MGAT4A: variants seen among roughly 807,000 people sequenced by gnomAD.
MGAT4A encodes alpha-1,3-mannosyl-glycoprotein 4-beta-N-acetylglucosaminyltransferase A, also known as N-acetylglucosaminyltransferase IVa.
In MGAT4A, 33 loss-of-function variants were observed where a neutral mutation model predicts 74.1. The ratio of observed to expected loss-of-function variants is 0.45; its 90% CI spans 0.34 to 0.60. The LOEUF (loss-of-function observed/expected upper bound fraction) is 0.60. MGAT4A is among the 20% of genes least tolerant of loss of function. The pLI, the probability that MGAT4A is intolerant of heterozygous loss-of-function variation, is 0.02. For missense variants in MGAT4A, 479 were observed against 628.3 expected (o/e 0.76, Z 2.54); for synonymous variants, 198 against 210.4 (o/e 0.94, Z 0.51).
chr2:98,644,476 G>A (rs17513782), intron 9 of MGAT4A, among the ~76,000 whole-genome samples: 22,046 of 152,032 alleles, frequency 0.15, 1,679 homozygotes, highest in Middle Eastern at 0.19. Flanking sequence ...AAGTAAAGAT[G>A]GTTTTTGACT....
chr2:98,650,147 C>T (rs938785553), intron 8 of MGAT4A, among the ~76,000 whole-genome samples: 2 of 152,116 alleles, frequency 1.3e-5, no homozygotes, highest in East Asian at 3.9e-4. Context: ...GAAAATTTCA[C>T]TAGAAGGACT....
intron 4 of MGAT4A, 74 bp downstream of exon 4, chr2:98,674,961 G>C: frequency 6.7e-7 from 1 of 1,490,860 alleles, no homozygotes; most frequent in Non-Finnish European, 9.1e-7. Context: ...CCAGACTTCT[G>C]ATGGTCAACA....
intron 14 of MGAT4A, among the ~76,000 whole-genome samples, chr2:98,633,498 G>T (rs766317933): frequency 1.4e-4 from 22 of 152,184 alleles, no homozygotes; most frequent in Non-Finnish European, 2.4e-4. Flanking sequence ...ATTTTCACCA[G>T]TTATAATTGT....
chr2:98,672,782 G>A (rs1701928684), intron 4 of MGAT4A, among the ~76,000 whole-genome samples: 1 of 152,012 alleles, frequency 6.6e-6, no homozygotes. Flanking sequence ...TCAGTCCCTC[G>A]ATGTAGGATT....
At chr2:98,700,929 A>G in intron 2 of MGAT4A, among the ~76,000 whole-genome samples, 1 of 152,110 alleles carries the variant, frequency 6.6e-6, no homozygotes, top group East Asian at 1.9e-4. Flanking sequence ...ATGTTAGCAT[A>G]AATAATGCAT....
chr2:98,678,247 A>ATATATATATATAT (rs1259884597), intron 3 of MGAT4A, 57 bp downstream of exon 3: 26 of 345,256 alleles, frequency 7.5e-5, no homozygotes, highest in East Asian at 6.5e-4. Context: ...AAAAAAAAAA[A>ATATATATATATAT]AAATATATAT....
intron 8 of MGAT4A, among the ~76,000 whole-genome samples, chr2:98,653,826 G>A (rs1285143639): frequency 6.6e-6 from 1 of 152,088 alleles, no homozygotes; most frequent in Non-Finnish European, 1.5e-5. Context: ...CACATTCTAG[G>A]AGGCCTGCAT....
chr2:98,625,934 A>C, intron 14 of MGAT4A, 99 bp from the exon 15 acceptor site: 1 of 722,736 alleles, frequency 1.4e-6, no homozygotes, highest in Middle Eastern at 2.5e-4. Flanking sequence ...AAATATTTCT[A>C]GTAGATGTCT....
At chr2:98,710,453 G>A (rs1194696685) in intron 2 of MGAT4A, among the ~76,000 whole-genome samples, 1 of 152,090 alleles carries the variant, frequency 6.6e-6, no homozygotes, top group African/African-American at 2.4e-5. Flanking sequence ...TTTTGTGTCA[G>A]TTTGGGTTGT....
At position 98,622,244 on chromosome 2, in the gene MGAT4A, T is replaced by C; in HGVS notation, c.*3322A>G. ...TTTCTAAGCTGTTCATAATTAGCACTCTGGACACAGTACTGTTCAACAGAG... is the reference window on the plus strand; with the variant it reads ...TTTCTAAGCTGTTCATAATTAGCACCCTGGACACAGTACTGTTCAACAGAG... On this transcript the variant is annotated 3_prime_UTR_variant, in exon 16 of 16. Coordinates refer to ENST00000393487, the MANE Select transcript of MGAT4A (RefSeq NM_012214.3). 1.0e-6 allele frequency: 1 copy of C among 985,448 alleles called. No individual in the cohort carries two copies. The allele number at this position is 985,448 out of a possible 1,614,324, so 61.0% of individuals were successfully genotyped here. A position where few individuals can be genotyped will look rare whatever the true frequency, so the allele number is the denominator to read the frequency against.
chr2:98,670,199 T>C (rs979096817), intron 4 of MGAT4A, among the ~76,000 whole-genome samples: 28 of 152,278 alleles, frequency 1.8e-4, no homozygotes, highest in Non-Finnish European at 4.0e-4. Flanking sequence ...AGGAGTAAGA[T>C]GGACCAAGGA....
chr2:98,719,576 GA>G (rs1336961911), intron 2 of MGAT4A, among the ~76,000 whole-genome samples: 2 of 151,738 alleles, frequency 1.3e-5, no homozygotes, highest in African/African-American at 2.4e-5. Flanking sequence ...ACCAAACGGG[GA>G]AAAAAAACCA....
At chr2:98,706,554 T>A (rs1482380578) in intron 2 of MGAT4A, among the ~76,000 whole-genome samples, 1 of 151,262 alleles carries the variant, frequency 6.6e-6, no homozygotes, top group African/African-American at 2.4e-5. Flanking sequence ...GGTCTCGATC[T>A]CCTGACCTCA....
intron 1 of MGAT4A, among the ~76,000 whole-genome samples, chr2:98,730,616 C>T (rs1702838172): frequency 6.6e-6 from 1 of 151,644 alleles, no homozygotes; most frequent in African/African-American, 2.4e-5. Context: ...GCAGCTGTCC[C>T]TCCCCCTCCG....
At position 98,620,678 on chromosome 2, in the gene MGAT4A, C is replaced by A. The variant is rs1333903016; in HGVS notation, c.*4888G>T. ...TTTGGTTAAAAAAAATTAAATCCCT[C>A]GATACACAGATTATCTGATCTCTAC... On this transcript the variant is annotated 3_prime_UTR_variant, in exon 16 of 16. Coordinates refer to ENST00000393487, the MANE Select transcript of MGAT4A (RefSeq NM_012214.3). The A allele has an allele frequency of 6.6e-6, 1 of 152,158 alleles. No homozygotes were observed. Among genetic ancestry groups the A allele is most frequent in the South Asian group, 2.1e-4 (1 of 4,824 alleles). 9.4% of individuals were successfully genotyped at this position (152,158 alleles called of 1,614,324 possible).
intron 4 of MGAT4A, among the ~76,000 whole-genome samples, chr2:98,668,298 G>A (rs895416643): frequency 6.6e-6 from 1 of 152,170 alleles, no homozygotes; most frequent in Non-Finnish European, 1.5e-5. Context: ...GTGCAGTCTA[G>A]GGACTTGGTG....
chr2:98,703,580 A>G (rs72956619), intron 2 of MGAT4A, among the ~76,000 whole-genome samples: 3,573 of 152,332 alleles, frequency 0.023, 137 homozygotes, highest in African/African-American at 0.082. Context: ...AAAAATGTCA[A>G]TCAGACTGTG....
intron 4 of MGAT4A, among the ~76,000 whole-genome samples, chr2:98,669,146 T>C (rs112480758): frequency 2.0e-5 from 3 of 152,114 alleles, no homozygotes; most frequent in Admixed American, 6.5e-5. Context: ...GGACATGAGA[T>C]TTGGGAGGGG....
chr2:98,643,607 A>C (rs1463513900), intron 10 of MGAT4A, among the ~76,000 whole-genome samples: 3 of 152,194 alleles, frequency 2.0e-5, no homozygotes, highest in Non-Finnish European at 4.4e-5. Context: ...AAGAAAACAA[A>C]CTGAAATGGT....
Sources: allele counts gnomAD v4.1 joint callset (sites outside exome capture counted in the v4.1 genomes callset), GRCh38; gene constraint gnomAD v4.1.1; transcripts MANE v1.5; gene names NCBI Gene and HGNC (gene_info 2026-07-23, HGNC 2026-07-21).